Variants in GOLGA4 observed in about 807,000 individuals in gnomAD.
GOLGA4 encodes the protein golgin A4.
In GOLGA4, 169 loss-of-function variants were observed where a neutral mutation model predicts 265.9. That is an observed-to-expected ratio of 0.64 (90% CI 0.56 to 0.72). The LOEUF is 0.72. Ranked by LOEUF, GOLGA4 falls within the 30% of genes least tolerant of loss-of-function variation. The pLI, the probability that GOLGA4 is intolerant of heterozygous loss-of-function variation, is 0.00. For synonymous variants in GOLGA4, 923 were observed against 855.8 expected, an observed-to-expected ratio of 1.08 and a Z score of -1.37; for missense variants, 2,482 against 2,483.4, an observed-to-expected ratio of 1.00 and a Z score of 0.01.
chr3:37,275,811 T>C, intron 2 of GOLGA4: 1 of 1,613,732 alleles, frequency 6.2e-7, no homozygotes, highest in Non-Finnish European at 8.5e-7. Context: ...ACCCTGGAAT[T>C]ACTGCAGTCC....
intron 22 of GOLGA4, among the ~76,000 whole-genome samples, chr3:37,360,217 A>G (rs1358993300): frequency 6.6e-6 from 1 of 152,176 alleles, no homozygotes; most frequent in Admixed American, 6.5e-5. Context: ...CCACCTTATT[A>G]CAAATTGGTC....
rs75778186 is a variant in GOLGA4, at chr3:37,294,137, A to G, written c.583-842A>G. Among the ~76,000 whole-genome samples the G allele has an allele frequency of 4.1e-3, 626 of 152,270 alleles. 2 individuals carry two copies. Among genetic ancestry groups the G allele is most frequent in the Middle Eastern group, 0.017 (5 of 294 alleles). On this transcript the variant is annotated intron_variant, in intron 5 of 23. Coordinates refer to ENST00000361924, the MANE Select transcript of GOLGA4 (RefSeq NM_002078.5). Reference sequence around the variant, plus strand: ...TGGTTTTGCAGAGAGACAAAAATCAATGGATTTGGTTAGGAAGGCTCATTA... The same window carrying G: ...TGGTTTTGCAGAGAGACAAAAATCAGTGGATTTGGTTAGGAAGGCTCATTA...
At chr3:37,301,811 C>T (rs1442332168) in intron 9 of GOLGA4, among the ~76,000 whole-genome samples, 1 of 151,656 alleles carries the variant, frequency 6.6e-6, no homozygotes, top group Non-Finnish European at 1.5e-5. Flanking sequence ...TTTTTTGAGA[C>T]GGAGTCTCAC....
chr3:37,340,300 T>C, intron 20 of GOLGA4, 101 bp downstream of exon 20: 1 of 498,120 alleles, frequency 2.0e-6, no homozygotes, highest in Non-Finnish European at 3.6e-6. Context: ...TTTTTTCTCA[T>C]TTTAAAATTT....
At chr3:37,275,215 CAAAAAAAAAAAAAAAAAA>C (rs749758741) in intron 2 of GOLGA4, among the ~76,000 whole-genome samples, 2 of 44,962 alleles carry the variant, frequency 4.4e-5, no homozygotes, top group Non-Finnish European at 7.4e-5. Flanking sequence ...GACTCCGTCT[CAAAAAAAAAAAAAAAAAA>C]AAAAAAAAGA....
At chr3:37,313,615 A>G (rs557194992) in intron 10 of GOLGA4, 1 of 152,292 alleles carries the variant, frequency 6.6e-6, no homozygotes, top group African/African-American at 2.4e-5. Flanking sequence ...ACTAAAGGAA[A>G]CAATCTAGGA....
chr3:37,271,968 T>C (rs2096799936), intron 2 of GOLGA4, among the ~76,000 whole-genome samples: 1 of 152,208 alleles, frequency 6.6e-6, no homozygotes, highest in Non-Finnish European at 1.5e-5. Context: ...CTAGGTTGCA[T>C]GCTCCTTATG....
intron 1 of GOLGA4, among the ~76,000 whole-genome samples, chr3:37,250,998 G>T (rs1472065036): frequency 6.6e-6 from 1 of 151,662 alleles, no homozygotes; most frequent in African/African-American, 2.4e-5. Context: ...TTTTTTAAAT[G>T]AACTTCTAAT....
chr3:37,275,234 A>T (rs1299764536), intron 2 of GOLGA4, among the ~76,000 whole-genome samples: 21 of 150,428 alleles, frequency 1.4e-4, no homozygotes, highest in African/African-American at 5.1e-4. Flanking sequence ...AAAAAAAAAA[A>T]AAAAAAAGAA....
At chr3:37,261,493 C>T (rs936706288) in intron 2 of GOLGA4, among the ~76,000 whole-genome samples, 7 of 152,100 alleles carry the variant, frequency 4.6e-5, no homozygotes, top group Non-Finnish European at 8.8e-5. Context: ...GAATTAAGCC[C>T]TATGGAAAAT....
At position 37,326,960 on chromosome 3, in the gene GOLGA4, G is replaced by T; in HGVS notation, c.5074G>T (p.Glu1692Ter). The T allele has an allele frequency of 6.2e-7, 1 of 1,613,864 alleles. No homozygotes were observed. Among genetic ancestry groups the T allele is most frequent in the South Asian group, 1.1e-5 (1 of 91,064 alleles). Residue 1692 changes from glutamate to a stop codon, truncating the protein, a stop_gained, in exon 14 of 24, where the codon GAA (glutamate) becomes TAA (stop). Transcript: ENST00000361924. LOFTEE classifies it high-confidence loss of function. ...QEREREVHIL[E>*]EKLKSVESSQ... is the part of the protein sequence containing the mutation. ...AAGAGAAAGGGAAGTTCACATCTTG[G>T]AAGAAAAACTTAAGTCAGTGGAAAG...
chr3:37,243,445 C>T lies in GOLGA4; in HGVS notation c.-106C>T, dbSNP rs557552414. ...GGAGGAGACGGCGAGGCCCGGCCCC[C>T]GCTGTCCCTGGTGTAAAGAAGTCGC... is the stretch of plus-strand genomic sequence containing the variant. On this transcript the variant is annotated 5_prime_UTR_variant, in exon 1 of 24. Coordinates refer to ENST00000361924, the MANE Select transcript of GOLGA4 (RefSeq NM_002078.5). 1.7e-5 allele frequency: 16 copies of T among 942,398 alleles called. No individual in the cohort carries two copies. Among genetic ancestry groups the T allele is most frequent in the South Asian group, 1.2e-4 (9 of 75,414 alleles). The allele number at this position is 942,398 out of a possible 1,614,324, so 58.4% of individuals were successfully genotyped here. A position where few individuals can be genotyped will look rare whatever the true frequency, so the allele number is the denominator to read the frequency against.
intron 2 of GOLGA4, among the ~76,000 whole-genome samples, chr3:37,280,025 A>T (rs1019809753): frequency 2.0e-5 from 3 of 152,200 alleles, no homozygotes; most frequent in Non-Finnish European, 4.4e-5. Flanking sequence ...AAGAAAATAC[A>T]GTGTAGAGTA....
chr3:37,319,022 A>T, intron 11 of GOLGA4, 41 bp from the exon 12 acceptor site: 1 of 1,425,450 alleles, frequency 7.0e-7, no homozygotes, highest in South Asian at 1.3e-5. Flanking sequence ...TACATATTTT[A>T]TTCTGGGTGT....
chr3:37,273,759 A>T (rs1337858682), intron 2 of GOLGA4, among the ~76,000 whole-genome samples: 1 of 152,216 alleles, frequency 6.6e-6, no homozygotes, highest in Non-Finnish European at 1.5e-5. Flanking sequence ...GGTTTCTTGG[A>T]AAAAGTTTTA....
Position 37,324,171 on chromosome 3 carries a change from A to C in GOLGA4, c.2285A>C (p.Glu762Ala). ...TTAAAAGATCAAATTAATCAACTTG[A>C]GCTTCTCTTGAAGGAAAGGGACAAG... Reference protein sequence around the residue: ...KALKDQINQLELLLKERDKHL... With the variant: ...KALKDQINQLALLLKERDKHL... The change falls in exon 14 of 24, where the codon GAG becomes GCG. Residue 762 changes from glutamate (E) to alanine (A), a missense_variant. By Grantham distance (107) the Glu-to-Ala change is moderately radical (BLOSUM62 -1). Transcript: ENST00000361924. 1 of 1,614,114 alleles carries C rather than the reference A, an allele frequency of 6.2e-7. No homozygotes were observed. The highest frequency in any genetic ancestry group is 8.5e-7 in the Non-Finnish European group (1 of 1,179,982).
chr3:37,313,414 T>C (rs13322913), intron 10 of GOLGA4: 1 of 152,196 alleles, frequency 6.6e-6, no homozygotes, highest in Non-Finnish European at 1.5e-5. Flanking sequence ...AAGACCTTTT[T>C]TTCTGAGCTG....
At chr3:37,305,264 A>AC (rs2096903060) in intron 10 of GOLGA4, among the ~76,000 whole-genome samples, 1 of 152,198 alleles carries the variant, frequency 6.6e-6, no homozygotes, top group Admixed American at 6.5e-5. Context: ...AAGTCTTTAG[A>AC]TAACAAAGTT....
chr3:37,316,540 A>G (rs974573910), intron 11 of GOLGA4, among the ~76,000 whole-genome samples: 1 of 152,216 alleles, frequency 6.6e-6, no homozygotes, highest in African/African-American at 2.4e-5. Flanking sequence ...TATTGGATAT[A>G]TAAGACCTTA....
Sources: gnomAD v4.1 joint callset for allele counts (sites outside exome capture counted in the v4.1 genomes callset) on GRCh38, gnomAD v4.1.1 for gene constraint, MANE v1.5 for transcripts, NCBI Gene and HGNC (gene_info 2026-07-23, HGNC 2026-07-21) for gene names.